The following PINLYP variants were observed in gnomAD, a reference collection of about 807,000 sequenced individuals.
PINLYP encodes phospholipase A2 inhibitor and LY6/PLAUR domain containing, also known as phospholipase A2 inhibitor and Ly6/PLAUR domain-containing protein.
A neutral mutation model predicts 15.8 loss-of-function variants in PINLYP; 12 were observed. The observed-to-expected ratio is 0.76, with a 90% CI of 0.49 to 1.23. PINLYP has a LOEUF of 1.23. Among genes scored for constraint, PINLYP ranks in the 50% most tolerant of loss-of-function variants. The probability of loss-of-function intolerance (pLI) is 0.00; values close to 1 mark genes in which losing one functional copy is unlikely to be tolerated. For synonymous variants in PINLYP, 93 were observed against 97.7 expected, an observed-to-expected ratio of 0.95 and a Z score of 0.28; for missense variants, 278 against 264.2, an observed-to-expected ratio of 1.05 and a Z score of -0.36.
intron 3 of PINLYP, among the ~76,000 whole-genome samples, chr19:43,579,416 T>C (rs1972903658): frequency 6.6e-6 from 1 of 151,710 alleles, no homozygotes; most frequent in South Asian, 2.1e-4. Flanking sequence ...TGGCTAATTT[T>C]TGTATTTTTT....
upstream of PINLYP, chr19:43,575,601 C>CGCGCAG: frequency 1.3e-6 from 1 of 771,480 alleles, no homozygotes; most frequent in East Asian, 3.1e-5. Flanking sequence ...CAAACCCCGG[C>CGCGCAG]GCGCCGGCGC....
intron 2 of PINLYP, 75 bp downstream of exon 2, chr19:43,577,336 A>G (rs1192597924): frequency 2.1e-6 from 3 of 1,411,922 alleles, no homozygotes; most frequent in Non-Finnish European, 2.8e-6. Context: ...AGAGAGAGAT[A>G]TAGAGAGAGA....
exon 6 of PINLYP, chr19:43,581,981 G>A: frequency 6.5e-7 from 1 of 1,536,270 alleles, no homozygotes; most frequent in Non-Finnish European, 8.7e-7. Context: ...CCATCATATA[G>A]AGTGCACTCA....
chr19:43,581,285 C>T, exon 4 of PINLYP: 1 of 1,537,120 alleles, frequency 6.5e-7, no homozygotes, highest in South Asian at 1.2e-5. Flanking sequence ...TTATATCCAC[C>T]ACCATGGGCC....
chr19:43,582,079 T>G (rs1404938297), exon 6 of PINLYP: 4 of 1,481,016 alleles, frequency 2.7e-6, no homozygotes, highest in Admixed American at 4.0e-5. Flanking sequence ...CGTGTGCCTA[T>G]AAAGAAGTTA....
At position 43,579,736 on chromosome 19, in the gene PINLYP, GA is replaced by G. The variant is rs545927020; in HGVS notation, c.187+1047del. Among the ~76,000 whole-genome samples the G allele has an allele frequency of 5.9e-3, 645 of 108,796 alleles. 7 individuals carry two copies. Among genetic ancestry groups the G allele is most frequent in the African/African-American group, 0.014 (413 of 29,668 alleles). The allele number at this position is 108,796 out of a possible 152,430, so 71.4% of individuals were successfully genotyped here. On this transcript the variant is annotated intron_variant, in intron 3 of 5. Transcript: ENST00000599207. ...CAACAAAAAGAGATCCATCTCTACA[GA>G]AAAAAAAAAAAAAAAATAGTTGCGC...
Position 43,576,911 on chromosome 19 carries a change from C to CGGCT in PINLYP, c.-85_-84insGCTG, listed in dbSNP as rs1312805708. 10 of 476,800 alleles carry CGGCT rather than the reference C, an allele frequency of 2.1e-5. No individual in the cohort carries two copies. Among genetic ancestry groups the CGGCT allele is most frequent in the Admixed American group, 1.4e-4 (4 of 28,060 alleles). The allele number at this position is 476,800 out of a possible 1,614,324, so 29.5% of individuals were successfully genotyped here. ...AGCAAACAAACAAACAACAATGGGC[C>CGGCT]GTGGGAAGGTGAGAAAACAGGGTGG... On this transcript the variant is annotated 5_prime_UTR_variant, in exon 1 of 6. It removes the in-frame stop codon of an upstream open reading frame in the 5' UTR. Transcript: ENST00000599207.
chr19:43,576,059 A>T (rs1313105571), exon 1 of PINLYP: 1 of 151,942 alleles, frequency 6.6e-6, no homozygotes, highest in Non-Finnish European at 1.5e-5. Context: ...GCGCCACCAC[A>T]TTCGGCTAAT....
At chr19:43,578,914 C>G in intron 3 of PINLYP, 1 of 510,604 alleles carries the variant, frequency 2.0e-6, no homozygotes. Context: ...TCACAGAATT[C>G]TGAAAATGAC....
At chr19:43,579,406 T>G (rs1275422568) in intron 3 of PINLYP, among the ~76,000 whole-genome samples, 1 of 151,562 alleles carries the variant, frequency 6.6e-6, no homozygotes, top group Non-Finnish European at 1.5e-5. Flanking sequence ...CCACCACACC[T>G]GGCTAATTTT....
intron 3 of PINLYP, among the ~76,000 whole-genome samples, chr19:43,579,431 G>C (rs1298086321): frequency 6.6e-6 from 1 of 151,484 alleles, no homozygotes; most frequent in African/African-American, 2.4e-5. Flanking sequence ...TTTTTTAGTA[G>C]AGACGGGGTT....
At chr19:43,581,212 A>C in exon 4 of PINLYP, 2 of 1,536,736 alleles carry the variant, frequency 1.3e-6, no homozygotes, top group East Asian at 2.4e-5. Context: ...CATCCCACAG[A>C]GGGCAAGGAG....
intron 3 of PINLYP, 187 bp downstream of exon 3, chr19:43,578,893 A>C (rs1393966279): frequency 1.8e-6 from 1 of 553,208 alleles, no homozygotes; most frequent in Non-Finnish European, 3.3e-6. Flanking sequence ...GTGTGATAGA[A>C]ATCATTATTG....
intron 4 of PINLYP, 35 bp from the exon 5 acceptor site, chr19:43,581,528 T>C (rs1972932337): frequency 6.6e-7 from 1 of 1,524,192 alleles, no homozygotes; most frequent in Non-Finnish European, 8.8e-7. Context: ...GGCTTAAACA[T>C]CCCTATTCAC....
chr19:43,581,311 TA>T lies in PINLYP; in HGVS notation c.289del (p.Thr97ProfsTer20). 6.5e-7 allele frequency: 1 copy of T among 1,537,030 alleles called. No homozygotes were observed. ...ACCATGGGCCCCAAGGACCACATGG[TA>T]ACCAGCTCCTTCTGCTGCCAGAGCG... On this transcript the variant is annotated frameshift_variant, in exon 4 of 6. Transcript: ENST00000599207. LOFTEE classifies it high-confidence loss of function.
chr19:43,579,594 G>A (rs1311167481), intron 3 of PINLYP, among the ~76,000 whole-genome samples: 1 of 150,584 alleles, frequency 6.6e-6, no homozygotes, highest in East Asian at 2.0e-4. Flanking sequence ...AGGGGGAGAT[G>A]TGGATGAGTA....
At chr19:43,581,655 A>C (rs1166992984) in exon 5 of PINLYP, 2 of 1,536,456 alleles carry the variant, frequency 1.3e-6, no homozygotes, top group South Asian at 2.4e-5. Flanking sequence ...GACCCACTGT[A>C]CTGGAAAGGA....
In PINLYP at chr19:43,577,253, T is replaced by C. The variant is rs910090738; in HGVS notation, c.62T>C (p.Leu21Pro). ...GCCTTTGTGTTGCTCTGCACCCTCC[T>C]GGGTCTTGGTAAGTGACAAGGGACC... is the stretch of plus-strand genomic sequence containing the variant. The change falls in exon 2 of 6, where the codon CTG becomes CCG. Residue 21 changes from leucine to proline, a missense_variant. By Grantham distance (98) the Leu-to-Pro change is moderately conservative. Transcript: ENST00000599207. 8 of 1,535,756 alleles carry C rather than the reference T, an allele frequency of 5.2e-6. No individual in the cohort carries two copies. The African/African-American group carries it at 1.1e-4, about 21-fold the overall frequency.
chr19:43,579,069 G>C, intron 3 of PINLYP: 1 of 292,168 alleles, frequency 3.4e-6, no homozygotes, highest in Non-Finnish European at 6.7e-6. Context: ...AAATGGTGGG[G>C]AGTGGATAGA....
Sources: gnomAD v4.1 joint callset for allele counts (sites outside exome capture counted in the v4.1 genomes callset) on GRCh38, gnomAD v4.1.1 for gene constraint, MANE v1.5 for transcripts, NCBI Gene and HGNC (gene_info 2026-07-23, HGNC 2026-07-21) for gene names.